The following DOCK4 variants were observed in gnomAD, a reference collection of about 807,000 sequenced individuals.
The protein encoded by DOCK4 is dedicator of cytokinesis protein 4.
DOCK4 carries 97 observed loss-of-function variants against 268.1 expected under a neutral mutation model. That is an observed-to-expected ratio of 0.36 (90% CI 0.31 to 0.43). The LOEUF (loss-of-function observed/expected upper bound fraction) is 0.43. Among genes scored for constraint, DOCK4 ranks in the 20% least tolerant of loss-of-function variants. DOCK4 has a pLI of 1.00. For missense variants in DOCK4, 2,145 were observed against 2,455.7 expected (o/e 0.87, Z 2.67); for synonymous variants, 954 against 887.2 (o/e 1.08, Z -1.34).
chr7:111,977,025 C>T, intron 8 of DOCK4, 107 bp downstream of exon 8: 1 of 1,308,618 alleles, frequency 7.6e-7, no homozygotes, highest in Non-Finnish European at 1.0e-6. Context: ...AAAATTGAAG[C>T]TGACGGAGTA....
intron 42 of DOCK4, among the ~76,000 whole-genome samples, chr7:111,752,605 A>G (rs1184015709): frequency 4.6e-5 from 2 of 43,342 alleles, no homozygotes; most frequent in Non-Finnish European, 8.3e-5. Flanking sequence ...TTTTTTTTTG[A>G]GACAGAGGTT....
intron 13 of DOCK4, among the ~76,000 whole-genome samples, chr7:111,906,576 T>A (rs1360938710): frequency 2.6e-5 from 4 of 152,096 alleles, no homozygotes; most frequent in African/African-American, 9.7e-5. Context: ...TAAGATCCCC[T>A]CCCCAAAGAT....
chr7:111,947,752 C>A (rs773105672), intron 8 of DOCK4, among the ~76,000 whole-genome samples: 1 of 151,998 alleles, frequency 6.6e-6, no homozygotes, highest in Non-Finnish European at 1.5e-5. Context: ...GGGGGGAGGT[C>A]TCACTCTTTC....
intron 1 of DOCK4, among the ~76,000 whole-genome samples, chr7:112,038,604 T>G (rs1282496040): frequency 2.6e-5 from 4 of 152,176 alleles, no homozygotes; most frequent in Non-Finnish European, 5.9e-5. Flanking sequence ...GAGCTTCAAC[T>G]GCACCCAGGA....
At chr7:111,840,770 C>A in intron 25 of DOCK4, 1 of 1,306,756 alleles carries the variant, frequency 7.7e-7, no homozygotes, top group Non-Finnish European at 1.0e-6. Flanking sequence ...CACAGTGTGT[C>A]TACTTGTCAT....
chr7:111,769,698 CA>C (rs752752922), intron 36 of DOCK4, 21 bp from the exon 37 acceptor site: 1 of 1,609,000 alleles, frequency 6.2e-7, no homozygotes, highest in East Asian at 2.2e-5. Context: ...CGTGAGAAGA[CA>C]ATGATTGAGA....
intron 8 of DOCK4, among the ~76,000 whole-genome samples, chr7:111,948,697 C>T (rs779506780): frequency 1.3e-5 from 2 of 151,424 alleles, no homozygotes; most frequent in African/African-American, 2.4e-5. Context: ...CGGATTCAGG[C>T]GATTCTCCTG....
intron 16 of DOCK4, among the ~76,000 whole-genome samples, chr7:111,880,420 T>C (rs1807282590): frequency 6.6e-6 from 1 of 152,144 alleles, no homozygotes; most frequent in Non-Finnish European, 1.5e-5. Flanking sequence ...AGGGATTTCA[T>C]CAACACCAGA....
At chr7:111,870,184 G>A (rs927223871) in intron 20 of DOCK4, among the ~76,000 whole-genome samples, 3 of 152,058 alleles carry the variant, frequency 2.0e-5, no homozygotes, top group African/African-American at 7.2e-5. Flanking sequence ...TGTGCCTTAG[G>A]AGAATTTCTA....
At chr7:111,795,664 C>G (rs1799840526) in intron 30 of DOCK4, among the ~76,000 whole-genome samples, 1 of 152,150 alleles carries the variant, frequency 6.6e-6, no homozygotes, top group African/African-American at 2.4e-5. Context: ...GACTTTGTCA[C>G]ATGTAATTAG....
chr7:111,788,314 C>T (rs1799311605), intron 32 of DOCK4, among the ~76,000 whole-genome samples: 1 of 152,182 alleles, frequency 6.6e-6, no homozygotes, highest in Non-Finnish European at 1.5e-5. Context: ...ACAAACATTA[C>T]AATCACACCC....
chr7:111,941,745 T>G (rs912854216), intron 10 of DOCK4, among the ~76,000 whole-genome samples: 11 of 152,216 alleles, frequency 7.2e-5, no homozygotes, highest in Non-Finnish European at 1.3e-4. Context: ...CTTTTTTGTT[T>G]GTTTGTTTTT....
intron 44 of DOCK4, among the ~76,000 whole-genome samples, chr7:111,742,784 G>A (rs2133448100): frequency 6.6e-6 from 1 of 152,316 alleles, no homozygotes; most frequent in Middle Eastern, 3.4e-3. Flanking sequence ...ACAAGGTCAG[G>A]AGTTCAAGAC....
rs1046541733 is a variant in DOCK4, at chr7:111,899,421, C to T, written c.1480+953G>A. Among the ~76,000 whole-genome samples the T allele has an allele frequency of 6.6e-5, 10 of 152,184 alleles. 1 individual carries two copies. In the East Asian group the frequency reaches 1.9e-3, roughly 29 times the overall value. On this transcript the variant is annotated intron_variant, in intron 15 of 52. Coordinates refer to ENST00000428084, the MANE Select transcript of DOCK4 (RefSeq NM_001363540.2). ...CAAAACTTTCTCTGGTCACAATGTA[C>T]ACTGGCAGTGCTAAGATATACTCAG...
At chr7:111,873,779 C>T (rs560285866) in intron 17 of DOCK4, among the ~76,000 whole-genome samples, 154 of 152,120 alleles carry the variant, frequency 1.0e-3, no homozygotes, top group South Asian at 9.8e-3. Flanking sequence ...AAAGGATTTA[C>T]TATTAATAGT....
intron 1 of DOCK4, among the ~76,000 whole-genome samples, chr7:112,178,804 C>T (rs1355637757): frequency 6.6e-6 from 1 of 152,166 alleles, no homozygotes; most frequent in Non-Finnish European, 1.5e-5. Flanking sequence ...TCTCGTTCAT[C>T]CTCTATTCGG....
At chr7:112,044,789 G>T (rs1804686995) in intron 1 of DOCK4, among the ~76,000 whole-genome samples, 2 of 151,988 alleles carry the variant, frequency 1.3e-5, no homozygotes, top group South Asian at 2.1e-4. Context: ...CACTGGATAG[G>T]TTCTTTAACA....
chr7:111,875,590 T>G (rs58781745), intron 17 of DOCK4, among the ~76,000 whole-genome samples: 2 of 152,190 alleles, frequency 1.3e-5, no homozygotes, highest in African/African-American at 4.8e-5. Context: ...TCCAGCTCAA[T>G]GTAATCACAA....
At chr7:112,077,389 T>A (rs6958405) in intron 1 of DOCK4, among the ~76,000 whole-genome samples, 37,728 of 151,968 alleles carry the variant, frequency 0.25, 9,481 homozygotes, top group African/African-American at 0.63. Flanking sequence ...TGAAACCCAA[T>A]TTAGAACATT....
Sources: allele counts gnomAD v4.1 joint callset (sites outside exome capture counted in the v4.1 genomes callset), GRCh38; gene constraint gnomAD v4.1.1; transcripts MANE v1.5; gene names NCBI Gene and HGNC (gene_info 2026-07-23, HGNC 2026-07-21).